PPP2R2C: variants seen among roughly 807,000 people sequenced by gnomAD.
PPP2R2C encodes protein phosphatase 2 regulatory subunit Bgamma, also known as protein phosphatase 2, regulatory subunit B, gamma.
Under a neutral mutation model 45.3 loss-of-function variants are expected in PPP2R2C, and 10 were observed. The observed-to-expected ratio is 0.22, with a 90% CI of 0.14 to 0.37. The LOEUF (loss-of-function observed/expected upper bound fraction) is 0.37, where lower values mean the gene tolerates loss of function less well. Among genes scored for constraint, PPP2R2C ranks in the 10% least tolerant of loss-of-function variants. PPP2R2C has a pLI of 1.00. For synonymous variants in PPP2R2C, 257 were observed against 245.4 expected (o/e 1.05, Z -0.44); for missense variants, 308 against 619.7 (o/e 0.50, Z 5.34).
intron 1 of PPP2R2C, among the ~76,000 whole-genome samples, chr4:6,453,868 G>A (rs2108749395): frequency 6.6e-6 from 1 of 152,270 alleles, no homozygotes; most frequent in Non-Finnish European, 1.5e-5. Context: ...TCCTGTGGAG[G>A]CAGACGGCCA....
intron 1 of PPP2R2C, among the ~76,000 whole-genome samples, chr4:6,415,292 C>T (rs759234723): frequency 6.6e-6 from 1 of 152,242 alleles, no homozygotes; most frequent in Non-Finnish European, 1.5e-5. Flanking sequence ...CAAGGTCAGA[C>T]CACCGGCCGT....
rs79323984 is a variant in PPP2R2C at position 6,455,310 on chromosome 4, G to T, written c.70+16850C>A. ...TGCATCCCTACCTGGACAGACACAA[G>T]AATAATCTGGAATACAGGACAATGG... On this transcript the variant is annotated intron_variant, in intron 1 of 8. Coordinates refer to ENST00000382599, the MANE Select transcript of PPP2R2C (RefSeq NM_020416.4). Among the ~76,000 whole-genome samples, 1,119 of 152,204 alleles carry T rather than the reference G, an allele frequency of 7.4e-3. 8 individuals carry two copies. The highest frequency in any genetic ancestry group is 0.026 in the African/African-American group (1,075 of 41,504).
intron 1 of PPP2R2C, among the ~76,000 whole-genome samples, chr4:6,411,457 C>T (rs1451742326): frequency 6.6e-6 from 1 of 152,182 alleles, no homozygotes; most frequent in Non-Finnish European, 1.5e-5. Context: ...AGCCCCTGCT[C>T]CGTGCTAATT....
At chr4:6,512,297 T>C (rs1406963780) in intron 2 of PPP2R2C, among the ~76,000 whole-genome samples, 2 of 77,838 alleles carry the variant, frequency 2.6e-5, no homozygotes, top group African/African-American at 4.2e-5. Context: ...ATGGTGGCGG[T>C]GGTGGTGGTG....
chr4:6,380,773 T>G (rs941212930), intron 2 of PPP2R2C, among the ~76,000 whole-genome samples: 1 of 151,810 alleles, frequency 6.6e-6, no homozygotes, highest in African/African-American at 2.4e-5. Flanking sequence ...AAGCATCCCA[T>G]TCCCACCCCT....
intron 1 of PPP2R2C, chr4:6,384,211 C>T (rs1484942457): frequency 2.0e-6 from 2 of 985,316 alleles, no homozygotes; most frequent in Non-Finnish European, 1.2e-6. Context: ...TGCTAGGGTC[C>T]CCGATGGGGC....
At chr4:6,383,286 A>T in intron 1 of PPP2R2C, 1 of 1,255,578 alleles carries the variant, frequency 8.0e-7, no homozygotes. Context: ...CCACTGACCC[A>T]CAGAGCAGGG....
intron 6 of PPP2R2C, 95 bp downstream of exon 6, chr4:6,347,751 A>C (rs1577090107): frequency 7.0e-7 from 1 of 1,428,444 alleles, no homozygotes; most frequent in Non-Finnish European, 9.4e-7. Flanking sequence ...CTCATCCCAC[A>C]CCCACCACCC....
In PPP2R2C at chr4:6,345,911, C is replaced by T. The variant is rs1283994172; in HGVS notation, c.790+1935G>A. Among the ~76,000 whole-genome samples the T allele has an allele frequency of 2.0e-5, 3 of 152,174 alleles. No homozygotes were observed. Among genetic ancestry groups the T allele is most frequent in the African/African-American group, 4.8e-5 (2 of 41,432 alleles). ...GTGGCATTACTGCCTGGATATCTGG[C>T]TGCCTACTCGACCCATTTCCTTGGA... On this transcript the variant is annotated intron_variant, in intron 6 of 8. Transcript: ENST00000382599. This position sits in a 1 kb window ranked among gnomAD's most constrained non-coding sequence, Gnocchi z 5.3.
intron 1 of PPP2R2C, chr4:6,421,037 T>G: frequency 1.0e-6 from 1 of 985,158 alleles, no homozygotes; most frequent in Non-Finnish European, 1.2e-6. Flanking sequence ...AAGCGGTGCT[T>G]TGTGTGCACC....
chr4:6,325,906 C>T (rs1380504177), intron 8 of PPP2R2C, among the ~76,000 whole-genome samples: 4 of 152,218 alleles, frequency 2.6e-5, no homozygotes, highest in South Asian at 2.1e-4. Context: ...CCCTCGCCAC[C>T]CGTGGCGCCT....
intron 5 of PPP2R2C, chr4:6,350,703 C>T: frequency 8.1e-6 from 8 of 985,332 alleles, no homozygotes; most frequent in Non-Finnish European, 8.4e-6. Context: ...CTTTCAGAAC[C>T]CAGAGTGGCC....
At chr4:6,535,710 T>TACGAAATC (rs1428990447) in intron 1 of PPP2R2C, among the ~76,000 whole-genome samples, 1 of 152,176 alleles carries the variant, frequency 6.6e-6, no homozygotes, top group Non-Finnish European at 1.5e-5. Flanking sequence ...CCCCACAGCC[T>TACGAAATC]ACGAAATCCC....
rs547312552 is a variant in PPP2R2C, at chr4:6,384,061, C to T, written c.71-2967G>A. 1.2e-3 allele frequency: 1,218 copies of T among 985,440 alleles called. 1 individual carries two copies. Among genetic ancestry groups the T allele is most frequent in the Admixed American group, 1.5e-3 (24 of 16,276 alleles). The allele number at this position is 985,440 out of a possible 1,614,324, so 61.0% of individuals were successfully genotyped here. A position where few individuals can be genotyped will look rare whatever the true frequency, so the allele number is the denominator to read the frequency against. On this transcript the variant is annotated intron_variant, in intron 1 of 8. Transcript: ENST00000382599. Reference sequence around the variant, plus strand: ...TAAGAAAAGCAGCTCTGTGGGAACACGGAAACGCCCACCGGGCATGGAGTC... The same window carrying T: ...TAAGAAAAGCAGCTCTGTGGGAACATGGAAACGCCCACCGGGCATGGAGTC...
At chr4:6,531,328 A>T (rs1411252389) in intron 2 of PPP2R2C, among the ~76,000 whole-genome samples, 1 of 152,204 alleles carries the variant, frequency 6.6e-6, no homozygotes, top group Non-Finnish European at 1.5e-5. Context: ...TCACAGAGGA[A>T]AGGACGTCAG....
At position 6,329,994 on chromosome 4, in the gene PPP2R2C, G is replaced by A. The variant is rs1019436318; in HGVS notation, c.961-641C>T. On this transcript the variant is annotated intron_variant, in intron 7 of 8. Coordinates refer to ENST00000382599, the MANE Select transcript of PPP2R2C (RefSeq NM_020416.4). The surrounding 1 kb of genome is among the most constrained non-coding windows in gnomAD (Gnocchi z 5.8). The stretch of plus-strand genomic sequence containing the variant: ...ACAGGGTGGCGGCCATCAAGAAAGG[G>A]GAAGAGGGAACCCACAGAGGTTTCT... Among the ~76,000 whole-genome samples, 1 of 152,056 alleles carries A rather than the reference G, an allele frequency of 6.6e-6. No individual in the cohort carries two copies. The highest frequency in any genetic ancestry group is 2.4e-5 in the African/African-American group (1 of 41,408).
intron 5 of PPP2R2C, among the ~76,000 whole-genome samples, chr4:6,370,503 C>T (rs1007836651): frequency 3.2e-4 from 49 of 152,166 alleles, no homozygotes; most frequent in Non-Finnish European, 4.4e-5. Flanking sequence ...AGGAGTCCGG[C>T]CTGGCCAATC....
At chr4:6,384,236 T>C (rs1716063792) in intron 1 of PPP2R2C, 2 of 985,444 alleles carry the variant, frequency 2.0e-6, no homozygotes. Context: ...GTTCTTGCTA[T>C]TTCATATTAA....
chr4:6,517,613 GA>G, intron 2 of PPP2R2C, among the ~76,000 whole-genome samples: 2 of 151,834 alleles, frequency 1.3e-5, no homozygotes, highest in Non-Finnish European at 2.9e-5. Context: ...GCACAACTAG[GA>G]AAAAAAAGAC....
Sources: gnomAD v4.1 joint callset for allele counts (sites outside exome capture counted in the v4.1 genomes callset) on GRCh38, gnomAD v4.1.1 for gene constraint, Gnocchi (gnomAD v3.1) non-coding constraint, MANE v1.5 for transcripts, NCBI Gene and HGNC (gene_info 2026-07-23, HGNC 2026-07-21) for gene names.